Variants in ANK1 observed in about 807,000 individuals in gnomAD.
The protein encoded by ANK1 is ankyrin-1.
In ANK1, 51 loss-of-function variants were observed where a neutral mutation model predicts 210.4. The observed-to-expected ratio is 0.24, with a 90% CI of 0.19 to 0.31. ANK1 has a LOEUF of 0.31. ANK1 is among the 10% of genes least tolerant of loss of function. ANK1 has a pLI of 1.00. For missense variants in ANK1, 2,051 were observed against 2,504.4 expected, an observed-to-expected ratio of 0.82 and a Z score of 3.86; for synonymous variants, 967 against 1,025.9, an observed-to-expected ratio of 0.94 and a Z score of 1.10.
intron 1 of ANK1, chr8:41,896,290 C>T (rs1423602981): frequency 6.4e-7 from 1 of 1,554,758 alleles, no homozygotes; most frequent in African/African-American, 1.4e-5. Flanking sequence ...GCCGCCCGAC[C>T]CCTGCCCCCA....
intron 36 of ANK1, 40 bp from the exon 37 acceptor site, chr8:41,684,730 G>T: frequency 6.2e-7 from 1 of 1,603,626 alleles, no homozygotes; most frequent in South Asian, 1.1e-5. Context: ...CTCCAGGCCG[G>T]TGAGCGAGGA....
chr8:41,833,307 C>T (rs1368174887), intron 1 of ANK1, among the ~76,000 whole-genome samples: 1 of 152,240 alleles, frequency 6.6e-6, no homozygotes, highest in Non-Finnish European at 1.5e-5. Context: ...GGGATTTCTT[C>T]ACCTTCCAAG....
chr8:41,851,839 G>A (rs942588249), intron 1 of ANK1, among the ~76,000 whole-genome samples: 4 of 152,160 alleles, frequency 2.6e-5, no homozygotes, highest in Non-Finnish European at 5.9e-5. Context: ...CTGGGTGACA[G>A]AGCCAGATCC....
chr8:41,853,265 G>T (rs1464135694), intron 1 of ANK1, among the ~76,000 whole-genome samples: 3 of 152,148 alleles, frequency 2.0e-5, no homozygotes, highest in African/African-American at 7.2e-5. Flanking sequence ...AGAGAGTCAA[G>T]GTTTGCTGAA....
chr8:41,707,423 C>T (rs1039314528), intron 17 of ANK1, among the ~76,000 whole-genome samples: 1 of 152,202 alleles, frequency 6.6e-6, no homozygotes, highest in Non-Finnish European at 1.5e-5. Flanking sequence ...TTCTGCACAC[C>T]CCGCAGGCTG....
chr8:41,760,244 G>A (rs749887818), intron 1 of ANK1, among the ~76,000 whole-genome samples: 10 of 152,264 alleles, frequency 6.6e-5, no homozygotes, highest in African/African-American at 9.6e-5. Flanking sequence ...TAATTCCCAC[G>A]TGCCCTGGGA....
intron 38 of ANK1, among the ~76,000 whole-genome samples, chr8:41,668,824 C>G (rs920457431): frequency 1.3e-5 from 2 of 152,176 alleles, no homozygotes; most frequent in Non-Finnish European, 2.9e-5. Flanking sequence ...TGTGGGTGAA[C>G]AGCTTGCCCT....
chr8:41,724,519 G>A lies in ANK1; in HGVS notation c.648C>T (p.Tyr216=), dbSNP rs1013205164. ...GCAACTGGGCCACGTTGAGGTTCTC[G>A]TAGTGAGCCGCAATGTGCAGGGGCG... ...GFTPLHIAAH[Y]ENLNVAQLLL... The change falls in exon 7 of 43, where the codon TAC becomes TAT. Residue 216 remains tyrosine (Y), a synonymous_variant. Coordinates refer to ENST00000289734, the MANE Select transcript of ANK1 (RefSeq NM_000037.4). 18 of 1,601,034 alleles carry A rather than the reference G, an allele frequency of 1.1e-5. No individual in the cohort carries two copies. Among genetic ancestry groups the A allele is most frequent in the African/African-American group, 2.7e-5 (2 of 74,732 alleles).
At chr8:41,733,032 C>T (rs1450891837) in intron 3 of ANK1, among the ~76,000 whole-genome samples, 4 of 152,220 alleles carry the variant, frequency 2.6e-5, no homozygotes, top group African/African-American at 9.6e-5. Flanking sequence ...GCCACCGCGC[C>T]CAGTCTGTTT....
chr8:41,718,193 G>T lies in ANK1; in HGVS notation c.1119C>A (p.Thr373=). 1 of 1,613,830 alleles carries T rather than the reference G, an allele frequency of 6.2e-7. No homozygotes were observed. Residue 373 remains threonine, a synonymous_variant, in exon 11 of 43, where the codon ACC becomes ACA. Coordinates refer to ENST00000289734, the MANE Select transcript of ANK1 (RefSeq NM_000037.4). ...KPNSRALNGF[T]PLHIACKKNH... ...TCTTTTTGCAGGCGATGTGTAAGGG[G>T]GTAAAGCCATTCTGCAGCCCACACA...
intron 1 of ANK1, among the ~76,000 whole-genome samples, chr8:41,795,942 A>G (rs1269701460): frequency 2.0e-5 from 3 of 152,234 alleles, no homozygotes; most frequent in Non-Finnish European, 4.4e-5. Context: ...AAAATGATAA[A>G]CATTCAAGTC....
chr8:41,758,211 C>A (rs1839632014), intron 1 of ANK1, 74 bp from the exon 2 acceptor site: 2 of 1,330,026 alleles, frequency 1.5e-6, no homozygotes, highest in African/African-American at 1.4e-5. Context: ...AAGTCCCAGG[C>A]CCCCGCAGCA....
chr8:41,785,322 TC>T (rs1238911991), intron 1 of ANK1, among the ~76,000 whole-genome samples: 1 of 152,132 alleles, frequency 6.6e-6, no homozygotes, highest in East Asian at 1.9e-4. Flanking sequence ...AACACACCAC[TC>T]CACTCCAGCC....
chr8:41,703,450 A>ATATTTTTTTTT (rs59985416), intron 20 of ANK1, among the ~76,000 whole-genome samples: 5 of 58,816 alleles, frequency 8.5e-5, no homozygotes, highest in Admixed American at 2.4e-4. Context: ...ATATATATAT[A>ATATTTTTTTTT]TTTTTTTTTT....
intron 1 of ANK1, among the ~76,000 whole-genome samples, chr8:41,811,635 C>T (rs551240546): frequency 6.6e-6 from 1 of 152,222 alleles, no homozygotes; most frequent in African/African-American, 2.4e-5. Flanking sequence ...TTCCACCAGT[C>T]TTTGTGCTGC....
At chr8:41,776,135 A>G (rs1843980473) in intron 1 of ANK1, among the ~76,000 whole-genome samples, 1 of 152,208 alleles carries the variant, frequency 6.6e-6, no homozygotes, top group African/African-American at 2.4e-5. Flanking sequence ...GCTTTGCACC[A>G]TTCTGCAACC....
At chr8:41,726,383 T>C (rs901860405) in intron 5 of ANK1, among the ~76,000 whole-genome samples, 5 of 151,962 alleles carry the variant, frequency 3.3e-5, no homozygotes, top group African/African-American at 1.2e-4. Flanking sequence ...TTGTGAGCTA[T>C]TATTATTATT....
At chr8:41,813,060 T>C (rs766522919) in intron 1 of ANK1, among the ~76,000 whole-genome samples, 2 of 152,072 alleles carry the variant, frequency 1.3e-5, no homozygotes, top group African/African-American at 2.4e-5. Context: ...AAAAGAAAAA[T>C]ATAAGTTAAT....
chr8:41,742,985 A>G (rs1835158565), intron 2 of ANK1, among the ~76,000 whole-genome samples: 1 of 152,100 alleles, frequency 6.6e-6, no homozygotes, highest in Admixed American at 6.5e-5. Flanking sequence ...TTCTCTGTTG[A>G]GTTATTATAA....
Sources: gnomAD v4.1 joint callset for allele counts (sites outside exome capture counted in the v4.1 genomes callset) on GRCh38, gnomAD v4.1.1 for gene constraint, MANE v1.5 for transcripts, NCBI Gene and HGNC (gene_info 2026-07-23, HGNC 2026-07-21) for gene names.